The following ADGRB3 variants were observed in gnomAD, a reference collection of about 807,000 sequenced individuals.
The protein encoded by ADGRB3 is brain-specific angiogenesis inhibitor 3.
ADGRB3 carries 37 observed loss-of-function variants against 193.4 expected under a neutral mutation model. That is an observed-to-expected ratio of 0.19 (90% CI 0.15 to 0.25). The LOEUF (loss-of-function observed/expected upper bound fraction) is 0.25, where lower values mean the gene tolerates loss of function less well. ADGRB3 is among the 10% of genes least tolerant of loss of function. The pLI is 1.00. For synonymous variants in ADGRB3, 690 were observed against 644.2 expected (o/e 1.07, Z -1.08); for missense variants, 1,637 against 1,852.9 (o/e 0.88, Z 2.14).
intron 20 of ADGRB3, among the ~76,000 whole-genome samples, chr6:69,296,745 A>C (rs993367267): frequency 6.6e-6 from 1 of 152,108 alleles, no homozygotes; most frequent in Non-Finnish European, 1.5e-5. Flanking sequence ...CATGTCTATG[A>C]GGGAGATAGA....
chr6:68,925,399 C>G (rs1396612248), intron 3 of ADGRB3, among the ~76,000 whole-genome samples: 1 of 151,782 alleles, frequency 6.6e-6, no homozygotes, highest in African/African-American at 2.4e-5. Context: ...TAAATATGAG[C>G]CTATAAGGCA....
chr6:69,330,563 T>C lies in ADGRB3; in HGVS notation c.3093T>C (p.Ala1031=). Residue 1031 remains alanine (A), a synonymous_variant, in exon 23 of 32, where the codon GCT becomes GCC. Transcript: ENST00000370598. ...LLYAFVGPAA[A]VVLVNMVIGI... is the part of the protein sequence containing the mutation. ...ATGCTTTTGTGGGACCTGCAGCCGC[T>C]GTTGTCCTGGTAAACATCAAAATCA... 1 of 1,608,318 alleles carries C rather than the reference T, an allele frequency of 6.2e-7. No individual in the cohort carries two copies. Among genetic ancestry groups the C allele is most frequent in the South Asian group, 1.1e-5 (1 of 89,696 alleles).
At chr6:68,719,232 C>G (rs1765534490) in intron 3 of ADGRB3, among the ~76,000 whole-genome samples, 1 of 151,674 alleles carries the variant, frequency 6.6e-6, no homozygotes, top group African/African-American at 2.4e-5. Flanking sequence ...TTCAATAGAA[C>G]CTTCTGTGAT....
chr6:69,133,231 T>G (rs1582486384), intron 17 of ADGRB3, among the ~76,000 whole-genome samples: 1 of 152,256 alleles, frequency 6.6e-6, no homozygotes, highest in East Asian at 1.9e-4. Flanking sequence ...GCCATTTTCA[T>G]GATATTGATT....
chr6:68,960,742 T>A (rs1768208615), intron 8 of ADGRB3, among the ~76,000 whole-genome samples: 1 of 152,142 alleles, frequency 6.6e-6, no homozygotes, highest in South Asian at 2.1e-4. Flanking sequence ...CAAACTTCAG[T>A]GTACATAGGA....
intron 17 of ADGRB3, among the ~76,000 whole-genome samples, chr6:69,164,354 A>AT (rs1775078314): frequency 6.6e-6 from 1 of 151,774 alleles, no homozygotes; most frequent in Admixed American, 6.6e-5. Flanking sequence ...TACTGCTACT[A>AT]TTTTTTTGTC....
chr6:69,155,940 TA>T (rs2150342895), intron 17 of ADGRB3, among the ~76,000 whole-genome samples: 1 of 152,306 alleles, frequency 6.6e-6, no homozygotes, highest in Admixed American at 6.5e-5. Context: ...ACTGTGTCTA[TA>T]TTTGTTCTTA....
intron 20 of ADGRB3, among the ~76,000 whole-genome samples, chr6:69,255,248 G>A (rs1353911758): frequency 1.3e-5 from 2 of 152,088 alleles, no homozygotes; most frequent in Non-Finnish European, 2.9e-5. Context: ...GGGTCAAATG[G>A]TATTTCTAGT....
At chr6:68,743,650 C>T (rs1238851536) in intron 3 of ADGRB3, among the ~76,000 whole-genome samples, 1 of 151,820 alleles carries the variant, frequency 6.6e-6, no homozygotes, top group Non-Finnish European at 1.5e-5. Flanking sequence ...AATAGAAATT[C>T]CCCAAAATAT....
At position 69,105,647 on chromosome 6, in the gene ADGRB3, A is replaced by G. The variant is rs1278927214; in HGVS notation, c.2480+29609A>G. On this transcript the variant is annotated intron_variant, in intron 17 of 31. Transcript: ENST00000370598. ...AATACTATTGCTTCAGGCTTTTATAAAAGAAAAAACATTTAATATCCCAAA... is the reference window on the plus strand; with the variant it reads ...AATACTATTGCTTCAGGCTTTTATAGAAGAAAAAACATTTAATATCCCAAA... Among the ~76,000 whole-genome samples, 6 of 152,162 alleles carry G rather than the reference A, an allele frequency of 3.9e-5. No individual in the cohort carries two copies. The East Asian group carries it at 1.2e-3, about 29-fold the overall frequency.
intron 8 of ADGRB3, among the ~76,000 whole-genome samples, chr6:68,961,781 C>T (rs189347872): frequency 3.3e-3 from 498 of 152,200 alleles, no homozygotes; most frequent in Admixed American, 3.7e-3. Flanking sequence ...TCATTTCAAA[C>T]CAAGTTTAAT....
At chr6:69,069,575 A>AAAAAAAAAAAAAAAC (rs1772014107) in intron 16 of ADGRB3, among the ~76,000 whole-genome samples, 1 of 129,834 alleles carries the variant, frequency 7.7e-6, no homozygotes, top group Non-Finnish European at 1.7e-5. Context: ...AAAAAAAAAA[A>AAAAAAAAAAAAAAAC]AAAAAATTAT....
chr6:68,982,946 T>C (rs1768966170), intron 10 of ADGRB3, among the ~76,000 whole-genome samples: 1 of 152,266 alleles, frequency 6.6e-6, no homozygotes, highest in Non-Finnish European at 1.5e-5. Context: ...TCAGAAAAGA[T>C]CTCTACTTTC....
At chr6:68,638,295 C>T (rs980260679) in intron 2 of ADGRB3, among the ~76,000 whole-genome samples, 1 of 152,174 alleles carries the variant, frequency 6.6e-6, no homozygotes, top group Non-Finnish European at 1.5e-5. Context: ...AATACTATTT[C>T]GACAATTAAC....
intron 13 of ADGRB3, among the ~76,000 whole-genome samples, chr6:69,046,463 A>G (rs1055273391): frequency 6.6e-6 from 1 of 152,210 alleles, no homozygotes. Flanking sequence ...TGGATTATTT[A>G]TGGACAGCAA....
intron 17 of ADGRB3, among the ~76,000 whole-genome samples, chr6:69,140,842 T>A (rs1245905005): frequency 6.6e-6 from 1 of 151,998 alleles, no homozygotes; most frequent in Non-Finnish European, 1.5e-5. Flanking sequence ...AATTCCTAGA[T>A]AGAGTTAAGA....
At chr6:68,674,047 G>C (rs1240296773) in intron 3 of ADGRB3, among the ~76,000 whole-genome samples, 1 of 152,084 alleles carries the variant, frequency 6.6e-6, no homozygotes, top group Non-Finnish European at 1.5e-5. Context: ...CATTTCTAAA[G>C]ATCTCTATTA....
rs114185762 is a variant in ADGRB3 at position 68,639,441 on chromosome 6, C to A, written c.757+9C>A. On this transcript the variant is annotated intron_variant, in intron 3 of 31. Coordinates refer to ENST00000370598, the MANE Select transcript of ADGRB3 (RefSeq NM_001704.3). ...GCGACCACCCAAAGAAGGTAAGTGC[C>A]AAAGAGAGGGGAAGGTGAGCGGGGG... 8.8e-4 allele frequency: 1,398 copies of A among 1,590,550 alleles called. 9 individuals carry two copies. In the African/African-American group the frequency reaches 0.015, roughly 18 times the overall value.
In ADGRB3 at chr6:68,902,034, A is replaced by C. The variant is rs537398167; in HGVS notation, c.758-28525A>C. Among the ~76,000 whole-genome samples, 301 of 152,274 alleles carry C rather than the reference A, an allele frequency of 2.0e-3. 1 individual carries two copies. Among genetic ancestry groups the C allele is most frequent in the African/African-American group, 6.9e-3 (285 of 41,578 alleles). On this transcript the variant is annotated intron_variant, in intron 3 of 31. Transcript: ENST00000370598. ...TAAGAACTATTATGAAATGGGCATG[A>C]CAGAGTATGGATCACTCACTCCAAA...
Sources: gnomAD v4.1 joint callset for allele counts (sites outside exome capture counted in the v4.1 genomes callset) on GRCh38, gnomAD v4.1.1 for gene constraint, MANE v1.5 for transcripts, NCBI Gene and HGNC (gene_info 2026-07-23, HGNC 2026-07-21) for gene names.